The following DMD variants were observed in gnomAD, a reference collection of about 807,000 sequenced individuals.
DMD encodes the protein mutant dystrophin.
Under a neutral mutation model 330.1 loss-of-function variants are expected in DMD, and 63 were observed. The ratio of observed to expected loss-of-function variants is 0.19; its 90% CI spans 0.16 to 0.24. The LOEUF is 0.24. Among genes scored for constraint, DMD ranks in the 10% least tolerant of loss-of-function variants. The pLI is 1.00. For missense variants in DMD, 3,344 were observed against 2,684.1 expected, an observed-to-expected ratio of 1.25 and a Z score of -5.43; for synonymous variants, 1,223 against 959.8, an observed-to-expected ratio of 1.27 and a Z score of -5.07.
chrX:31,816,411 T>C (rs2092626806), intron 50 of DMD, among the ~76,000 whole-genome samples: 1 of 111,178 alleles, frequency 9.0e-6, no homozygotes, highest in Non-Finnish European at 1.9e-5. Context: ...CTCAACTAGA[T>C]AATAATTGCA....
intron 48 of DMD, among the ~76,000 whole-genome samples, chrX:31,850,219 G>T (rs2093499017): frequency 9.0e-6 from 1 of 111,509 alleles, no homozygotes; most frequent in African/African-American, 3.3e-5. Context: ...TATCATTGAT[G>T]ATAAGGGCCA....
chrX:32,869,196 G>GCAA (rs1212171845), intron 2 of DMD, among the ~76,000 whole-genome samples: 1 of 111,044 alleles, frequency 9.0e-6, no homozygotes, highest in South Asian at 3.8e-4. Flanking sequence ...CAAACAGAAA[G>GCAA]CAACAACAAC....
At chrX:32,619,174 C>G (rs1318467939) in intron 11 of DMD, among the ~76,000 whole-genome samples, 1 of 110,996 alleles carries the variant, frequency 9.0e-6, no homozygotes, top group East Asian at 2.8e-4. Context: ...ATGGATGAAC[C>G]TGGAGGATAT....
At chrX:31,756,852 T>G (rs1336615221) in intron 51 of DMD, among the ~76,000 whole-genome samples, 1 of 112,110 alleles carries the variant, frequency 8.9e-6, no homozygotes, top group Non-Finnish European at 1.9e-5. Flanking sequence ...TTTAAGCATT[T>G]CTTTCCATTT....
At position 31,968,530 on chromosome X, in the gene DMD, A is replaced by G. The variant is rs764270701; in HGVS notation, c.6439-16T>C. On this transcript the variant is annotated splice_polypyrimidine_tract_variant and intron_variant, in intron 44 of 78. Coordinates refer to ENST00000357033, the MANE Select transcript of DMD (RefSeq NM_004006.3). Reference sequence around the variant, plus strand: ...CCTGGAGTTCCTGTAAGATACCAAAAAGGCAAAACAAAAATGAAGCCCCAT... The same window carrying G: ...CCTGGAGTTCCTGTAAGATACCAAAGAGGCAAAACAAAAATGAAGCCCCAT... 8.3e-7 allele frequency: 1 copy of G among 1,207,204 alleles called. No individual in the cohort carries two copies. Among genetic ancestry groups the G allele is most frequent in the East Asian group, 3.0e-5 (1 of 33,736 alleles).
intron 77 of DMD, among the ~76,000 whole-genome samples, chrX:31,127,492 CA>C (rs767425634): frequency 1.1e-3 from 125 of 112,505 alleles, no homozygotes; most frequent in African/African-American, 3.8e-3. Flanking sequence ...CCATACATGT[CA>C]ATAGCCTGTC....
chrX:31,483,123 T>C (rs1298833726), intron 57 of DMD, among the ~76,000 whole-genome samples: 1 of 99,514 alleles, frequency 1.0e-5, no homozygotes, highest in East Asian at 3.3e-4. Context: ...CTCGGCTCAC[T>C]GCAAGCTCCA....
chrX:32,649,277 G>T (rs1474497126), intron 9 of DMD, among the ~76,000 whole-genome samples: 1 of 110,390 alleles, frequency 9.1e-6, no homozygotes, highest in Admixed American at 9.7e-5. Flanking sequence ...GGAAGAGGCC[G>T]GGTGCGGTGG....
chrX:32,706,232 G>T (rs1263588553), intron 7 of DMD, among the ~76,000 whole-genome samples: 1 of 67,566 alleles, frequency 1.5e-5, no homozygotes, highest in Non-Finnish European at 2.8e-5. Flanking sequence ...GTTGTGGGGT[G>T]GGGGGAGTGG....
At chrX:31,933,117 G>A (rs1190259029) in intron 45 of DMD, among the ~76,000 whole-genome samples, 2 of 112,045 alleles carry the variant, frequency 1.8e-5, no homozygotes, top group East Asian at 5.6e-4. Context: ...GTTTTAAAAT[G>A]TTTAATTAAA....
chrX:31,771,393 TTATA>T (rs1477854825), intron 51 of DMD, among the ~76,000 whole-genome samples: 1 of 109,952 alleles, frequency 9.1e-6, no homozygotes, highest in Non-Finnish European at 1.9e-5. Context: ...TTACATATCA[TTATA>T]TATAATATGC....
intron 2 of DMD, among the ~76,000 whole-genome samples, chrX:32,962,865 C>G (rs2091958388): frequency 1.8e-5 from 2 of 111,104 alleles, no homozygotes; most frequent in Admixed American, 9.6e-5. Flanking sequence ...GAATTTGAAC[C>G]AATGAAGCTT....
intron 16 of DMD, among the ~76,000 whole-genome samples, chrX:32,564,513 A>G (rs1286732708): frequency 8.9e-6 from 1 of 112,010 alleles, no homozygotes; most frequent in Non-Finnish European, 1.9e-5. Flanking sequence ...AACAGGAGGA[A>G]TCATAATATA....
At chrX:32,025,327 A>G (rs758153115) in intron 44 of DMD, among the ~76,000 whole-genome samples, 2 of 112,332 alleles carry the variant, frequency 1.8e-5, no homozygotes, top group Admixed American at 1.9e-4. Context: ...TAACTGCAGT[A>G]TCTGATGACA....
intron 1 of DMD, among the ~76,000 whole-genome samples, chrX:33,287,162 C>T (rs1057156624): frequency 8.9e-6 from 1 of 111,808 alleles, no homozygotes; most frequent in African/African-American, 3.2e-5. Context: ...GCTTTGCAAT[C>T]GTTCTACAAC....
At position 32,953,450 on chromosome X, in the gene DMD, AT is replaced by A. The variant is rs2091382779; in HGVS notation, c.93+66688del. Among the ~76,000 whole-genome samples the A allele has an allele frequency of 3.6e-5, 4 of 112,359 alleles. No homozygotes were observed. The South Asian group carries it at 1.5e-3, about 41-fold the overall frequency. On this transcript the variant is annotated intron_variant, in intron 2 of 78. Coordinates refer to ENST00000357033, the MANE Select transcript of DMD (RefSeq NM_004006.3). The stretch of plus-strand genomic sequence containing the variant: ...TGAAAGTGAATGATTCTTTAAAAAA[AT>A]GATAAATATTAAATATCGGCTAGAT...
chrX:33,235,841 G>C (rs1440589057), intron 1 of DMD, among the ~76,000 whole-genome samples: 1 of 110,086 alleles, frequency 9.1e-6, no homozygotes, highest in Non-Finnish European at 1.9e-5. Context: ...CTAATTCATA[G>C]TGAGGAAGAG....
chrX:32,153,111 T>A, intron 44 of DMD, among the ~76,000 whole-genome samples: 1 of 112,418 alleles, frequency 8.9e-6, no homozygotes, highest in Middle Eastern at 4.8e-3. Flanking sequence ...GACGTCTCTA[T>A]TAGCTTAGTT....
intron 60 of DMD, among the ~76,000 whole-genome samples, chrX:31,437,430 C>G (rs2064612739): frequency 9.0e-6 from 1 of 111,624 alleles, no homozygotes; most frequent in South Asian, 3.8e-4. Flanking sequence ...AGGCCTCACC[C>G]GATACTAAAT....
Sources: allele counts gnomAD v4.1 joint callset (sites outside exome capture counted in the v4.1 genomes callset), GRCh38; gene constraint gnomAD v4.1.1; transcripts MANE v1.5; gene names NCBI Gene and HGNC (gene_info 2026-07-23, HGNC 2026-07-21).